The following GPR89B variants were observed in gnomAD, a reference collection of about 807,000 sequenced individuals.
GPR89B encodes golgi pH regulator B.
In GPR89B, 25 loss-of-function variants were observed where a neutral mutation model predicts 52.4. The observed-to-expected ratio is 0.48, with a 90% confidence interval of 0.35 to 0.67. The LOEUF is 0.67. GPR89B is among the 30% of genes least tolerant of loss of function. GPR89B has a pLI of 0.01. For synonymous variants in GPR89B, 52 were observed against 151.2 expected, an observed-to-expected ratio of 0.34 and a Z score of 4.81; for missense variants, 146 against 450.2, an observed-to-expected ratio of 0.32 and a Z score of 6.11.
rs187238457 is a variant in GPR89B at position 147,929,820 on chromosome 1, C to G, written c.42+1242C>G. ...TCATTTTTAAAATTTACCACCTTTT[C>G]TATAGTTTTCATAAGTATTGTTTTT... On this transcript the variant is annotated intron_variant, in intron 1 of 13. Coordinates refer to ENST00000314163, the MANE Select transcript of GPR89B (RefSeq NM_016334.5). Among the ~76,000 whole-genome samples, 100 of 152,238 alleles carry G rather than the reference C, an allele frequency of 6.6e-4. 1 individual carries two copies. In the East Asian group the frequency reaches 0.015, roughly 23 times the overall value.
the GPR89B span, among the ~76,000 whole-genome samples, chr1:148,018,745 C>T: frequency 4.6e-5 from 7 of 151,784 alleles, no homozygotes; most frequent in Non-Finnish European, 1.0e-4. Context: ...CAGCTCACCA[C>T]AACCTCCGCC....
At chr1:147,957,783 GGCC>G in intron 7 of GPR89B, among the ~76,000 whole-genome samples, 1 of 152,060 alleles carries the variant, frequency 6.6e-6, no homozygotes, top group African/African-American at 2.4e-5. Flanking sequence ...TAGACATAAA[GGCC>G]AGGCGCAGTG....
chr1:147,965,232 C>T (rs1656947588), intron 7 of GPR89B, among the ~76,000 whole-genome samples: 1 of 151,810 alleles, frequency 6.6e-6, no homozygotes, highest in African/African-American at 2.4e-5. Flanking sequence ...GACATTCTTT[C>T]CTGTTAATAT....
chr1:148,004,442 G>A, the GPR89B span, among the ~76,000 whole-genome samples: 1 of 147,402 alleles, frequency 6.8e-6, no homozygotes, highest in African/African-American at 2.5e-5. Context: ...TGGGATTACA[G>A]GCGTGAGCCA....
intron 10 of GPR89B, among the ~76,000 whole-genome samples, chr1:147,980,000 C>T (rs1357031268): frequency 6.6e-6 from 1 of 151,006 alleles, no homozygotes; most frequent in South Asian, 2.1e-4. Context: ...GTGGGAGGAT[C>T]GCTTGAGCCC....
rs1318736226 is a variant in GPR89B, at chr1:147,959,301, T to C, written c.617+4899T>C. 8.1e-4 allele frequency among the ~76,000 whole-genome samples: 124 copies of C among 152,256 alleles called. 1 individual carries two copies. In the South Asian group the frequency reaches 0.012, roughly 15 times the overall value. On this transcript the variant is annotated intron_variant, in intron 7 of 13. Coordinates refer to ENST00000314163, the MANE Select transcript of GPR89B (RefSeq NM_016334.5). ...TTTGTAGAGATAGGAGGAAGAAATATATTCACTAGTGAAATTTCAGCAACA... is the reference window on the plus strand; with the variant it reads ...TTTGTAGAGATAGGAGGAAGAAATACATTCACTAGTGAAATTTCAGCAACA...
chr1:147,951,923 A>G (rs1248302332), intron 5 of GPR89B, among the ~76,000 whole-genome samples: 1 of 151,986 alleles, frequency 6.6e-6, no homozygotes, highest in Non-Finnish European at 1.5e-5. Context: ...ATGTATATTC[A>G]ATGTTATAAA....
At position 147,979,843 on chromosome 1, in the gene GPR89B, C is replaced by G. The variant is rs1285394601; in HGVS notation, c.910-6356C>G. On this transcript the variant is annotated intron_variant, in intron 10 of 13. Coordinates refer to ENST00000314163, the MANE Select transcript of GPR89B (RefSeq NM_016334.5). Reference sequence around the variant, plus strand: ...TTGGCTCACACCTGTATTCCCAGTACTTTGGGAGGCTGAAGCAGGAGGACT... The same window carrying G: ...TTGGCTCACACCTGTATTCCCAGTAGTTTGGGAGGCTGAAGCAGGAGGACT... Among the ~76,000 whole-genome samples, 790 of 151,990 alleles carry G rather than the reference C, an allele frequency of 5.2e-3. 8 individuals are homozygous for G. Among genetic ancestry groups the G allele is most frequent in the African/African-American group, 0.018 (747 of 41,354 alleles).
the GPR89B span, among the ~76,000 whole-genome samples, chr1:148,012,751 G>A: frequency 1.3e-3 from 192 of 152,022 alleles, 4 homozygotes; most frequent in African/African-American, 4.4e-3. Flanking sequence ...TCCTTGATCC[G>A]ATGTAGTAAA....
chr1:148,022,032 G>A, the GPR89B span: 1 of 149,442 alleles, frequency 6.7e-6, no homozygotes, highest in South Asian at 2.2e-4. Flanking sequence ...GCCATGGAGA[G>A]AGACGCAAGA....
chr1:147,936,719 A>G (rs782157163), intron 2 of GPR89B, 33 bp downstream of exon 2: 12 of 1,576,450 alleles, frequency 7.6e-6, no homozygotes, highest in East Asian at 2.2e-5. Flanking sequence ...TACTTACACT[A>G]TATGAATTTA....
chr1:147,983,036 G>A (rs1416439054), intron 10 of GPR89B, among the ~76,000 whole-genome samples: 56 of 152,110 alleles, frequency 3.7e-4, no homozygotes, highest in African/African-American at 1.7e-4. Flanking sequence ...ATCTACAACC[G>A]TCTGATCTTT....
At chr1:147,963,372 TCTTA>T (rs1656773684) in intron 7 of GPR89B, among the ~76,000 whole-genome samples, 2 of 139,626 alleles carry the variant, frequency 1.4e-5, no homozygotes, top group East Asian at 2.2e-4. Context: ...CAAGACTCCT[TCTTA>T]AAAAAAAAAA....
chr1:147,946,490 A>G (rs1254933656), intron 5 of GPR89B, among the ~76,000 whole-genome samples: 8 of 152,232 alleles, frequency 5.3e-5, no homozygotes, highest in Non-Finnish European at 8.8e-5. Context: ...GACTTGCACT[A>G]AAGAGTCCTG....
intron 2 of GPR89B, 136 bp downstream of exon 2, chr1:147,936,822 T>C (rs1271765965): frequency 7.1e-5 from 54 of 758,944 alleles, no homozygotes; most frequent in Non-Finnish European, 2.0e-5. Flanking sequence ...AACTATTAGA[T>C]TGGAGAATAT....
At chr1:147,962,927 T>C (rs1316637577) in intron 7 of GPR89B, among the ~76,000 whole-genome samples, 1 of 140,404 alleles carries the variant, frequency 7.1e-6, no homozygotes. Context: ...GATAATAGAC[T>C]AAAATGTAAA....
At chr1:148,019,004 G>A in the GPR89B span, among the ~76,000 whole-genome samples, 1,081 of 150,426 alleles carry the variant, frequency 7.2e-3, 28 homozygotes, top group Admixed American at 0.053. Context: ...TTGAGACAGA[G>A]TCTCGCTCTG....
At chr1:147,951,772 TTATCAC>T (rs1655727653) in intron 5 of GPR89B, among the ~76,000 whole-genome samples, 1 of 151,762 alleles carries the variant, frequency 6.6e-6, no homozygotes, top group Non-Finnish European at 1.5e-5. Context: ...AGCACCAAGA[TTATCAC>T]TAGCAATATC....
chr1:147,946,185 G>A (rs1375646593), intron 5 of GPR89B, among the ~76,000 whole-genome samples: 8 of 151,672 alleles, frequency 5.3e-5, no homozygotes, highest in Admixed American at 1.3e-4. Flanking sequence ...CCATCTCAAG[G>A]TATCTATATC....
Sources: gnomAD v4.1 joint callset for allele counts (sites outside exome capture counted in the v4.1 genomes callset) on GRCh38, gnomAD v4.1.1 for gene constraint, MANE v1.5 for transcripts, NCBI Gene and HGNC (gene_info 2026-07-23, HGNC 2026-07-21) for gene names.